Variants in SPG7 observed in about 807,000 individuals in gnomAD.
SPG7 encodes mitochondrial inner membrane m-AAA protease component paraplegin.
A neutral mutation model predicts 81.9 loss-of-function variants in SPG7; 103 were observed. That is an observed-to-expected ratio of 1.26 (90% CI 1.07 to 1.48). SPG7 has a LOEUF of 1.48. Ranked by LOEUF, SPG7 falls within the 40% of genes most tolerant of loss-of-function variation. The pLI, the probability that SPG7 is intolerant of heterozygous loss-of-function variation, is 0.00. For missense variants in SPG7, 1,241 were observed against 1,087.3 expected (o/e 1.14, Z -1.99); for synonymous variants, 534 against 444.2 (o/e 1.20, Z -2.54).
intron 6 of SPG7, chr16:89,530,090 C>T: frequency 3.7e-6 from 1 of 271,364 alleles, no homozygotes; most frequent in East Asian, 9.9e-5. Flanking sequence ...CCTCCCGCCT[C>T]AGCCTCCCAA....
intron 9 of SPG7, chr16:89,544,318 TGGGGGGTGGGG>T: frequency 4.7e-6 from 1 of 211,954 alleles, no homozygotes; most frequent in East Asian, 1.0e-4. Flanking sequence ...GACAGGGCGG[TGGGGGGTGGGG>T]GGTGGCTGTT....
At chr16:89,547,982 C>T (rs777634975) in intron 11 of SPG7, 21 bp from the exon 12 acceptor site, 170 of 1,595,376 alleles carry the variant, frequency 1.1e-4, no homozygotes, top group South Asian at 5.3e-4. Context: ...CCACCCACAC[C>T]GTGGCTGTTT....
intron 4 of SPG7, 126 bp from the exon 5 acceptor site, chr16:89,526,203 A>C: frequency 9.1e-7 from 1 of 1,100,014 alleles, no homozygotes. Flanking sequence ...CTAGTTTCTG[A>C]ATGGTGTCCT....
intron 2 of SPG7, among the ~76,000 whole-genome samples, chr16:89,511,651 G>A (rs903123444): frequency 3.3e-5 from 5 of 152,184 alleles, no homozygotes; most frequent in Non-Finnish European, 7.3e-5. Flanking sequence ...AACCGGGGCC[G>A]TTTCACTGGT....
chr16:89,515,724 T>TTTG (rs1555610014), intron 3 of SPG7, among the ~76,000 whole-genome samples: 50 of 149,142 alleles, frequency 3.4e-4, no homozygotes, highest in Non-Finnish European at 6.1e-4. Context: ...TATTTTTTTT[T>TTTG]TTGAGATGGG....
chr16:89,529,623 T>C, intron 6 of SPG7, 44 bp downstream of exon 6: 2 of 1,407,224 alleles, frequency 1.4e-6, no homozygotes, highest in Non-Finnish European at 1.0e-6. Flanking sequence ...TTCTGGTTTG[T>C]GTTTGCTGAA....
Position 89,508,477 on chromosome 16 carries a change from G to A in SPG7, c.60G>A (p.Arg20=), listed in dbSNP as rs1187276565. ...GCCGGGGTCCAGGCCCGGGTCCTCGGCCGCTGTGGGGCCCAGGCCCGGCCT... is the reference window on the plus strand; with the variant it reads ...GCCGGGGTCCAGGCCCGGGTCCTCGACCGCTGTGGGGCCCAGGCCCGGCCT... ...ALRRGPGPGP[R]PLWGPGPAWS... is the part of the protein sequence containing the mutation. Residue 20 remains arginine (R), a synonymous_variant, in exon 1 of 17, where the codon CGG becomes CGA. Coordinates refer to ENST00000645818, the MANE Select transcript of SPG7 (RefSeq NM_003119.4). 6.6e-7 allele frequency: 1 copy of A among 1,509,100 alleles called. No individual in the cohort carries two copies. The highest frequency in any genetic ancestry group is 1.2e-5 in the South Asian group (1 of 81,410). The allele number at this position is 1,509,100 out of a possible 1,614,324, so 93.5% of individuals were successfully genotyped here.
chr16:89,532,396 C>T (rs980754226), intron 8 of SPG7, 67 bp from the exon 9 acceptor site: 15 of 1,565,688 alleles, frequency 9.6e-6, no homozygotes, highest in African/African-American at 5.4e-5. Flanking sequence ...TTGTCTGGCC[C>T]GGGTACAGGA....
intron 2 of SPG7, among the ~76,000 whole-genome samples, chr16:89,511,550 A>G (rs2152394214): frequency 6.6e-6 from 1 of 152,318 alleles, no homozygotes; most frequent in East Asian, 1.9e-4. Context: ...ATCTGCTGTC[A>G]GTGTTTAACG....
chr16:89,531,650 A>G, intron 7 of SPG7: 1 of 504,264 alleles, frequency 2.0e-6, no homozygotes, highest in Non-Finnish European at 3.6e-6. Flanking sequence ...TTGGAATTCC[A>G]GGTGTGAGCC....
chr16:89,535,434 C>T (rs976281574), intron 9 of SPG7, among the ~76,000 whole-genome samples: 21 of 152,170 alleles, frequency 1.4e-4, no homozygotes, highest in Non-Finnish European at 2.1e-4. Context: ...GACGCAACGA[C>T]GTTTGCGGAG....
At chr16:89,546,848 G>A in intron 11 of SPG7, 88 bp downstream of exon 11, 1 of 870,200 alleles carries the variant, frequency 1.1e-6, no homozygotes, top group Non-Finnish European at 2.0e-6. Flanking sequence ...CCTCCTCTGT[G>A]GGGTGGGCGC....
chr16:89,548,174 C>CTGCCTGGGTATTT, intron 12 of SPG7, 61 bp downstream of exon 12: 4 of 1,194,286 alleles, frequency 3.3e-6, no homozygotes, highest in Non-Finnish European at 4.9e-6. Context: ...CCAGAAATAC[C>CTGCCTGGGTATTT]CAGGCAGGTA....
chr16:89,532,863 C>T (rs2058364257), intron 9 of SPG7: 1 of 547,444 alleles, frequency 1.8e-6, no homozygotes, highest in Non-Finnish European at 3.3e-6. Flanking sequence ...ACAGGCGGAT[C>T]ACCAGAGGTC....
rs549596811 is a variant in SPG7 at position 89,547,651 on chromosome 16, C to T, written c.1553-352C>T. On this transcript the variant is annotated intron_variant, in intron 11 of 16. Coordinates refer to ENST00000645818, the MANE Select transcript of SPG7 (RefSeq NM_003119.4). The stretch of plus-strand genomic sequence containing the variant: ...ATTTTGAGACAGAGTCCTACTCTGT[C>T]GCCCAGACTGGAGTGCAGTGGCGTG... 5.8e-5 allele frequency: 20 copies of T among 346,114 alleles called. No individual in the cohort carries two copies. The East Asian group carries it at 1.4e-3, about 25-fold the overall frequency. 21.4% of individuals were successfully genotyped at this position (346,114 alleles called of 1,614,324 possible). A position where few individuals can be genotyped will look rare whatever the true frequency, so the allele number is the denominator to read the frequency against.
Position 89,550,574 on chromosome 16 carries a change from G to A in SPG7, c.1744G>A (p.Gly582Ser), listed in dbSNP as rs1033130408. The change falls in exon 13 of 17, where the codon GGC (glycine) becomes AGC (serine). Residue 582 changes from glycine (G) to serine (S), a missense_variant. By Grantham distance (56) the Gly-to-Ser change is moderately conservative (BLOSUM62 0). Transcript: ENST00000645818. ...AFHESGHALV[G>S]WMLEHTEAVM... is the part of the protein sequence containing the mutation. Reference sequence around the variant, plus strand: ...TCATGAGTCGGGCCACGCCTTGGTGGGCTGGATGCTGGAGCACACGGAGGC... The same window carrying A: ...TCATGAGTCGGGCCACGCCTTGGTGAGCTGGATGCTGGAGCACACGGAGGC... 2 of 1,613,790 alleles carry A rather than the reference G, an allele frequency of 1.2e-6. No homozygotes were observed. Among genetic ancestry groups the A allele is most frequent in the African/African-American group, 2.7e-5 (2 of 74,944 alleles).
rs59018334 is a variant in SPG7, at chr16:89,510,564, G to A, written c.258G>A (p.Gln86=). The stretch of plus-strand genomic sequence containing the variant: ...TGTTGTTGAAACAACATTTAGTTCA[G>A]AATCCAGTCAGACTCTGGCAACTTT... ...NGLLLKQHLV[Q]NPVRLWQLLG... Residue 86 remains glutamine, a synonymous_variant, in exon 2 of 17, where the codon CAG becomes CAA. Transcript: ENST00000645818. 6 of 1,611,272 alleles carry A rather than the reference G, an allele frequency of 3.7e-6. No individual in the cohort carries two copies. The Admixed American group carries it at 6.7e-5, about 18-fold the overall frequency.
intron 3 of SPG7, among the ~76,000 whole-genome samples, chr16:89,513,322 C>T (rs2058047412): frequency 6.6e-6 from 1 of 151,704 alleles, no homozygotes; most frequent in African/African-American, 2.4e-5. Context: ...ATCACCTGCA[C>T]CCTGGCCAAC....
intron 9 of SPG7, among the ~76,000 whole-genome samples, chr16:89,535,707 C>T (rs528435313): frequency 2.1e-4 from 32 of 152,324 alleles, no homozygotes; most frequent in African/African-American, 6.5e-4. Context: ...GGGACCCCAC[C>T]GCCTCTGCTG....
Sources: gnomAD v4.1 joint callset for allele counts (sites outside exome capture counted in the v4.1 genomes callset) on GRCh38, gnomAD v4.1.1 for gene constraint, MANE v1.5 for transcripts, NCBI Gene and HGNC (gene_info 2026-07-23, HGNC 2026-07-21) for gene names.